The following AKAP6 variants were observed in gnomAD, a reference collection of about 807,000 sequenced individuals.
AKAP6 encodes the protein A-kinase anchoring protein 6, also known as A-kinase anchor protein 6.
Under a neutral mutation model 188.5 loss-of-function variants are expected in AKAP6, and 58 were observed. That is an observed-to-expected ratio of 0.31 (90% CI 0.25 to 0.38). AKAP6 has a LOEUF of 0.38. AKAP6 is among the 10% of genes least tolerant of loss of function. AKAP6 has a pLI of 1.00. For synonymous variants in AKAP6, 989 were observed against 998.6 expected (o/e 0.99, Z 0.18); for missense variants, 2,710 against 2,740.0 (o/e 0.99, Z 0.24).
Position 32,540,131 on chromosome 14 carries a change from G to GCTCTCTCTCT in AKAP6, c.576+4355_576+4364dup, listed in dbSNP as rs1216788649. The stretch of plus-strand genomic sequence containing the variant: ...AAGGAGGGGTGTTCTTTGCTCGTGC[G>GCTCTCTCTCT]CTCTCTCTCTCTCTCTCTCTCTCTC... On this transcript the variant is annotated intron_variant, in intron 3 of 13. Coordinates refer to ENST00000280979, the MANE Select transcript of AKAP6 (RefSeq NM_004274.5). Among the ~76,000 whole-genome samples, 128 of 66,458 alleles carry GCTCTCTCTCT rather than the reference G, an allele frequency of 1.9e-3. 1 individual carries two copies. Among genetic ancestry groups the GCTCTCTCTCT allele is most frequent in the African/African-American group, 2.7e-3 (31 of 11,606 alleles). The allele number at this position is 66,458 out of a possible 152,430, so 43.6% of individuals were successfully genotyped here. A position where few individuals can be genotyped will look rare whatever the true frequency, so the allele number is the denominator to read the frequency against.
At chr14:32,774,272 C>T (rs966997284) in intron 12 of AKAP6, among the ~76,000 whole-genome samples, 1 of 152,166 alleles carries the variant, frequency 6.6e-6, no homozygotes, top group African/African-American at 2.4e-5. Context: ...GAATATTTTG[C>T]TAGAAAGTAG....
intron 11 of AKAP6, among the ~76,000 whole-genome samples, chr14:32,750,572 T>C (rs1336570909): frequency 3.3e-5 from 5 of 150,900 alleles, no homozygotes; most frequent in Admixed American, 6.6e-5. Context: ...AAAAAAAAGA[T>C]TGTGCTCAAT....
chr14:32,745,942 T>C (rs1342542241), intron 11 of AKAP6, among the ~76,000 whole-genome samples: 1 of 152,168 alleles, frequency 6.6e-6, no homozygotes. Context: ...CCTCACCCTA[T>C]GGCCACCAGC....
intron 11 of AKAP6, among the ~76,000 whole-genome samples, chr14:32,761,061 C>T (rs1484970551): frequency 6.6e-6 from 1 of 152,072 alleles, no homozygotes; most frequent in African/African-American, 2.4e-5. Context: ...ACCCAGTGGT[C>T]CGAACTCATA....
intron 12 of AKAP6, among the ~76,000 whole-genome samples, chr14:32,802,436 A>C (rs1033372082): frequency 6.6e-6 from 1 of 152,240 alleles, no homozygotes. Context: ...AAACCTATAA[A>C]TAAATATCCA....
chr14:32,613,491 A>G (rs1886435296), intron 7 of AKAP6, among the ~76,000 whole-genome samples: 1 of 152,148 alleles, frequency 6.6e-6, no homozygotes, highest in African/African-American at 2.4e-5. Context: ...GAATTTTGGA[A>G]AACTCCTCTG....
In AKAP6 at chr14:32,545,780, G is replaced by T. The variant is rs1883170140; in HGVS notation, c.1127G>T (p.Cys376Phe). 1.2e-6 allele frequency: 2 copies of T among 1,614,196 alleles called. No homozygotes were observed. Among genetic ancestry groups the T allele is most frequent in the Non-Finnish European group, 1.7e-6 (2 of 1,180,036 alleles). The change falls in exon 4 of 14, where the codon TGC (cysteine) becomes TTC (phenylalanine). Residue 376 changes from cysteine to phenylalanine, a missense_variant. Cys to Phe is a radical substitution (Grantham distance 205). This residue lies in a region of AKAP6 where 2,473 missense variants were observed against 2,426.1 expected (regional missense o/e 1.02). Coordinates refer to ENST00000280979, the MANE Select transcript of AKAP6 (RefSeq NM_004274.5). ...ACCCCCAAACGAACCATCAGAGATTGCTTTAATTATAACGAGGACTCTCCC... is the reference window on the plus strand; with the variant it reads ...ACCCCCAAACGAACCATCAGAGATTTCTTTAATTATAACGAGGACTCTCCC... The part of the protein sequence containing the change: ...NATPKRTIRD[C>F]FNYNEDSPTQ...
Position 32,538,006 on chromosome 14 carries a change from A to G in AKAP6, c.576+2201A>G, listed in dbSNP as rs565070639. On this transcript the variant is annotated intron_variant, in intron 3 of 13. Coordinates refer to ENST00000280979, the MANE Select transcript of AKAP6 (RefSeq NM_004274.5). Reference sequence around the variant, plus strand: ...ATTCTTATGTTTGAAGTCAGTCTTTAGTCCTGTTGTAGAGATTGCAGAAAA... The same window carrying G: ...ATTCTTATGTTTGAAGTCAGTCTTTGGTCCTGTTGTAGAGATTGCAGAAAA... Among the ~76,000 whole-genome samples, 7 of 152,336 alleles carry G rather than the reference A, an allele frequency of 4.6e-5. No homozygotes were observed. The South Asian group carries it at 1.4e-3, about 32-fold the overall frequency.
At chr14:32,354,853 G>T (rs1374106483) in intron 1 of AKAP6, among the ~76,000 whole-genome samples, 1 of 152,180 alleles carries the variant, frequency 6.6e-6, no homozygotes, top group African/African-American at 2.4e-5. Flanking sequence ...GTGTCCTTTT[G>T]CCTTCTGGCA....
intron 11 of AKAP6, among the ~76,000 whole-genome samples, chr14:32,772,676 G>A (rs2032935640): frequency 1.3e-5 from 2 of 152,152 alleles, no homozygotes; most frequent in African/African-American, 4.8e-5. Flanking sequence ...GCCTTATCTA[G>A]ATTAACATTT....
rs1220530924 is a variant in AKAP6 at position 32,705,706 on chromosome 14, A to G, written c.3000+9596A>G. On this transcript the variant is annotated intron_variant, in intron 9 of 13. Coordinates refer to ENST00000280979, the MANE Select transcript of AKAP6 (RefSeq NM_004274.5). The stretch of plus-strand genomic sequence containing the variant: ...AGTCAGGCTAGGCTAGGGTATGCCA[A>G]GATAACAAATATGCCCCAAATCTCA... Among the ~76,000 whole-genome samples the G allele has an allele frequency of 5.9e-5, 9 of 152,308 alleles. No individual in the cohort carries two copies. In the South Asian group the frequency reaches 1.9e-3, roughly 32 times the overall value.
chr14:32,627,287 A>C (rs2139439379), intron 7 of AKAP6, among the ~76,000 whole-genome samples: 1 of 152,224 alleles, frequency 6.6e-6, no homozygotes, highest in East Asian at 1.9e-4. Context: ...AAATAAATGA[A>C]CTTTGAATTG....
chr14:32,686,140 A>G (rs546061956), intron 8 of AKAP6, among the ~76,000 whole-genome samples: 28 of 152,294 alleles, frequency 1.8e-4, no homozygotes, highest in African/African-American at 6.0e-4. Context: ...ATTTGCAACG[A>G]CGTGATGGAG....
chr14:32,789,726 A>G lies in AKAP6; in HGVS notation c.3588+15833A>G, dbSNP rs558105561. Among the ~76,000 whole-genome samples, 242 of 152,372 alleles carry G rather than the reference A, an allele frequency of 1.6e-3. 3 individuals carry two copies. Among genetic ancestry groups the G allele is most frequent in the African/African-American group, 5.2e-3 (218 of 41,594 alleles). ...CTACAAAAACCCCGTTCAAGTTAGT[A>G]TCCTCAAAGATCAAAGGTAGATAAG... is the stretch of plus-strand genomic sequence containing the variant. On this transcript the variant is annotated intron_variant, in intron 12 of 13. Coordinates refer to ENST00000280979, the MANE Select transcript of AKAP6 (RefSeq NM_004274.5).
chr14:32,777,914 G>T (rs913350001), intron 12 of AKAP6, among the ~76,000 whole-genome samples: 1 of 152,016 alleles, frequency 6.6e-6, no homozygotes, highest in East Asian at 1.9e-4. Flanking sequence ...AGACACATGC[G>T]TGCAGTCCCA....
rs574942247 is a variant in AKAP6 at position 32,644,806 on chromosome 14, A to G, written c.2731-33505A>G. Among the ~76,000 whole-genome samples the G allele has an allele frequency of 2.0e-5, 3 of 152,224 alleles. No homozygotes were observed. The South Asian group carries it at 6.2e-4, about 32-fold the overall frequency. ...TTGTCCTTCTCAATTAATGTCCCTG[A>G]TTGCATTCACAAAGAGCTCAATAGT... On this transcript the variant is annotated intron_variant, in intron 7 of 13. Transcript: ENST00000280979.
Position 32,831,782 on chromosome 14 carries a change from C to T in AKAP6, c.*1977C>T, listed in dbSNP as rs1441376197. The T allele has an allele frequency of 6.6e-6, 1 of 152,172 alleles. No individual in the cohort carries two copies. The highest frequency in any genetic ancestry group is 1.5e-5 in the Non-Finnish European group (1 of 68,026). 9.4% of individuals were successfully genotyped at this position (152,172 alleles called of 1,614,324 possible). The stretch of plus-strand genomic sequence containing the variant: ...GAGAGTGGAAAGTTAGTGGAATATT[C>T]ATGAAACTTCATTGCAGGGGTAATA... On this transcript the variant is annotated 3_prime_UTR_variant, in exon 14 of 14. Transcript: ENST00000280979.
intron 1 of AKAP6, among the ~76,000 whole-genome samples, chr14:32,422,494 C>T (rs997485125): frequency 7.9e-5 from 12 of 152,100 alleles, no homozygotes; most frequent in African/African-American, 2.7e-4. Context: ...GGATGTATTA[C>T]CCTTCTGTTG....
chr14:32,597,424 G>A (rs1280646320), intron 5 of AKAP6, among the ~76,000 whole-genome samples: 1 of 152,150 alleles, frequency 6.6e-6, no homozygotes, highest in African/African-American at 2.4e-5. Context: ...CCCTGTCCCT[G>A]CTCCCTAAAA....
Sources: allele counts gnomAD v4.1 joint callset (sites outside exome capture counted in the v4.1 genomes callset), GRCh38; gene constraint gnomAD v4.1.1; regional missense constraint gnomAD v4.1.1; transcripts MANE v1.5; gene names NCBI Gene and HGNC (gene_info 2026-07-23, HGNC 2026-07-21).